PLEKHA7: variants seen among roughly 807,000 people sequenced by gnomAD.
PLEKHA7 encodes the protein pleckstrin homology domain-containing family A member 7.
A neutral mutation model predicts 170.0 loss-of-function variants in PLEKHA7; 104 were observed. That is an observed-to-expected ratio of 0.61 (90% confidence interval 0.52 to 0.72). The LOEUF is 0.72. Among genes scored for constraint, PLEKHA7 ranks in the 30% least tolerant of loss-of-function variants. PLEKHA7 has a pLI of 0.00. For missense variants in PLEKHA7, 1,615 were observed against 1,671.7 expected (o/e 0.97, Z 0.59); for synonymous variants, 648 against 660.8 (o/e 0.98, Z 0.30).
intron 3 of PLEKHA7, among the ~76,000 whole-genome samples, chr11:16,986,539 C>T (rs1041698522): frequency 2.6e-5 from 4 of 152,192 alleles, no homozygotes; most frequent in Non-Finnish European, 4.4e-5. Context: ...ACCCTACTGA[C>T]TGGCTGGAGG....
intron 3 of PLEKHA7, 55 bp downstream of exon 3, chr11:17,013,934 G>C: frequency 7.0e-7 from 1 of 1,433,964 alleles, no homozygotes; most frequent in Admixed American, 2.6e-5. Context: ...GCGGGAACGG[G>C]GAGGGACCCC....
At chr11:16,804,922 G>A (rs1313467208) in intron 13 of PLEKHA7, among the ~76,000 whole-genome samples, 1 of 152,144 alleles carries the variant, frequency 6.6e-6, no homozygotes, top group Non-Finnish European at 1.5e-5. Context: ...GTGGGGAGGT[G>A]GGCATGAAGT....
chr11:16,791,554 C>A lies in PLEKHA7; in HGVS notation c.2746-355G>T, dbSNP rs563159928. The A allele has an allele frequency of 1.0e-4, 50 of 494,446 alleles. 2 individuals are homozygous for A. Among genetic ancestry groups the A allele is most frequent in the South Asian group, 7.4e-4 (48 of 64,898 alleles). The allele number at this position is 494,446 out of a possible 1,614,324, so 30.6% of individuals were successfully genotyped here. A position where few individuals can be genotyped will look rare whatever the true frequency, so the allele number is the denominator to read the frequency against. Reference sequence around the variant, plus strand: ...CATCGCAGGCAGGCTGCTAACCCTGCCCTGACTTCCATGCTTATCACAGCA... The same window carrying A: ...CATCGCAGGCAGGCTGCTAACCCTGACCTGACTTCCATGCTTATCACAGCA... On this transcript the variant is annotated intron_variant, in intron 19 of 26. Transcript: ENST00000531066. This position sits in a 1 kb window ranked among gnomAD's most constrained non-coding sequence, Gnocchi z 4.5.
At chr11:16,803,374 T>A in intron 13 of PLEKHA7, 79 bp from the exon 14 acceptor site, 15 of 1,423,344 alleles carry the variant, frequency 1.1e-5, no homozygotes, top group Non-Finnish European at 1.4e-5. Flanking sequence ...CATCCTATAA[T>A]GGATGGTGTG....
chr11:16,854,207 C>G (rs1380500823), intron 6 of PLEKHA7, among the ~76,000 whole-genome samples: 2 of 152,160 alleles, frequency 1.3e-5, no homozygotes, highest in East Asian at 3.9e-4. Context: ...GAACTCACAA[C>G]CCAGCCATGA....
At chr11:16,830,369 G>T (rs1851016469) in intron 9 of PLEKHA7, among the ~76,000 whole-genome samples, 1 of 152,280 alleles carries the variant, frequency 6.6e-6, no homozygotes, top group Non-Finnish European at 1.5e-5. Flanking sequence ...GGCTCCAGCT[G>T]CCCTCTGGAT....
chr11:16,785,345 T>A (rs1003648338), intron 24 of PLEKHA7, among the ~76,000 whole-genome samples: 4 of 152,216 alleles, frequency 2.6e-5, no homozygotes, highest in Non-Finnish European at 5.9e-5. Flanking sequence ...TTGTGCAGTT[T>A]CCAGGCAGGC....
intron 13 of PLEKHA7, 57 bp downstream of exon 13, chr11:16,813,056 G>A (rs895208617): frequency 6.6e-7 from 1 of 1,509,200 alleles, no homozygotes. Flanking sequence ...CTCCAGTGAG[G>A]TGACACTCTC....
chr11:16,963,245 C>T, intron 3 of PLEKHA7, among the ~76,000 whole-genome samples: 1 of 152,194 alleles, frequency 6.6e-6, no homozygotes, highest in East Asian at 1.9e-4. Flanking sequence ...ATTTTCTAGA[C>T]TTCAGCATCT....
At chr11:16,933,637 A>C (rs1218510891) in intron 3 of PLEKHA7, among the ~76,000 whole-genome samples, 2 of 152,238 alleles carry the variant, frequency 1.3e-5, no homozygotes, top group Non-Finnish European at 2.9e-5. Flanking sequence ...GAGAGGTGTT[A>C]AAATTGATCA....
chr11:16,898,152 T>A (rs1857114636), intron 3 of PLEKHA7, among the ~76,000 whole-genome samples: 1 of 152,124 alleles, frequency 6.6e-6, no homozygotes, highest in Admixed American at 6.5e-5. Context: ...CATCCCGGCA[T>A]CCCCAAAGCC....
chr11:16,790,132 A>C, intron 21 of PLEKHA7: 2 of 488,226 alleles, frequency 4.1e-6, no homozygotes, highest in Non-Finnish European at 3.7e-6. Context: ...CTTCCCTTAC[A>C]TGCAGATGAC....
chr11:16,780,657 G>A (rs1848954394), intron 26 of PLEKHA7, among the ~76,000 whole-genome samples: 3 of 152,240 alleles, frequency 2.0e-5, no homozygotes, highest in Non-Finnish European at 1.5e-5. Context: ...CTACTGAGGA[G>A]AGCAGGGGAT....
At chr11:16,824,721 A>T (rs1285177936) in intron 10 of PLEKHA7, among the ~76,000 whole-genome samples, 1 of 152,184 alleles carries the variant, frequency 6.6e-6, no homozygotes, top group Non-Finnish European at 1.5e-5. Context: ...TATTCATCAG[A>T]TCATATCACT....
intron 7 of PLEKHA7, among the ~76,000 whole-genome samples, chr11:16,851,902 C>T (rs1852997483): frequency 6.6e-6 from 1 of 152,254 alleles, no homozygotes; most frequent in South Asian, 2.1e-4. Context: ...TCTTTCTCCA[C>T]ATTTTGAGAC....
intron 3 of PLEKHA7, among the ~76,000 whole-genome samples, chr11:16,964,422 C>T (rs955223365): frequency 5.3e-5 from 8 of 152,196 alleles, no homozygotes; most frequent in African/African-American, 1.7e-4. Context: ...TACTTTCCCA[C>T]CAGCAATGCA....
chr11:16,963,457 T>C (rs929867710), intron 3 of PLEKHA7, among the ~76,000 whole-genome samples: 3 of 152,160 alleles, frequency 2.0e-5, no homozygotes, highest in Admixed American at 6.5e-5. Context: ...TTCCAAACCA[T>C]AGACAGAAAC....
At position 16,803,295 on chromosome 11, in the gene PLEKHA7, T is replaced by C. The variant is rs1417548952; in HGVS notation, c.2008A>G (p.Met670Val). Reference protein sequence around the residue: ...KKDLEYLDLKMTGRDLLKDRS... With the variant: ...KKDLEYLDLKVTGRDLLKDRS... ...TCCTTGAGAAGGTCCCGGCCTGTCA[T>C]CTGGGAGGCGAACAATTTAAAAGAG... is the stretch of plus-strand genomic sequence containing the variant. Residue 670 changes from methionine to valine, a missense_variant and splice_region_variant, in exon 14 of 27, where the codon ATG (methionine) becomes GTG (valine). Coordinates refer to ENST00000531066, the MANE Select transcript of PLEKHA7 (RefSeq NM_001329630.2). The C allele has an allele frequency of 4.3e-6, 7 of 1,612,538 alleles. No individual in the cohort carries two copies. The highest frequency in any genetic ancestry group is 5.9e-6 in the Non-Finnish European group (7 of 1,178,650).
At chr11:16,857,779 C>T (rs1429405136) in intron 4 of PLEKHA7, among the ~76,000 whole-genome samples, 2 of 152,214 alleles carry the variant, frequency 1.3e-5, no homozygotes, top group Admixed American at 1.3e-4. Flanking sequence ...AGCGCAGTGG[C>T]GCGATCTCAG....
Sources: gnomAD v4.1 joint callset for allele counts (sites outside exome capture counted in the v4.1 genomes callset) on GRCh38, gnomAD v4.1.1 for gene constraint, Gnocchi (gnomAD v3.1) non-coding constraint, MANE v1.5 for transcripts, NCBI Gene and HGNC (gene_info 2026-07-23, HGNC 2026-07-21) for gene names.